Variants in INTS4 observed in about 807,000 individuals in gnomAD.
The protein encoded by INTS4 is integrator complex subunit 4.
Under a neutral mutation model 119.5 loss-of-function variants are expected in INTS4, and 70 were observed. The observed-to-expected ratio is 0.59, with a 90% CI of 0.48 to 0.71. The LOEUF (loss-of-function observed/expected upper bound fraction) is 0.71, where lower values mean the gene tolerates loss of function less well. Among genes scored for constraint, INTS4 ranks in the 30% least tolerant of loss-of-function variants. The pLI is 0.00. For missense variants in INTS4, 867 were observed against 1,173.2 expected (o/e 0.74, Z 3.81); for synonymous variants, 316 against 419.6 (o/e 0.75, Z 3.02).
intron 8 of INTS4, among the ~76,000 whole-genome samples, chr11:77,942,329 A>G (rs980778013): frequency 5.3e-5 from 8 of 152,192 alleles, no homozygotes; most frequent in African/African-American, 1.9e-4. Flanking sequence ...TGAAAATCAC[A>G]GTGCGAATGC....
chr11:77,884,624 A>G (rs11604873), intron 21 of INTS4, among the ~76,000 whole-genome samples: 3 of 152,204 alleles, frequency 2.0e-5, no homozygotes, highest in Non-Finnish European at 4.4e-5. Flanking sequence ...AGAGTAGGGA[A>G]CCACACAGGT....
At chr11:77,979,994 AG>A (rs1441190036) in intron 3 of INTS4, among the ~76,000 whole-genome samples, 3 of 111,630 alleles carry the variant, frequency 2.7e-5, no homozygotes, top group Non-Finnish European at 5.6e-5. Context: ...AAAAAAAAAA[AG>A]AAGAAACAGA....
chr11:77,928,419 T>C lies in INTS4; in HGVS notation c.1294A>G (p.Ile432Val). 2 of 1,611,228 alleles carry C rather than the reference T, an allele frequency of 1.2e-6. No homozygotes were observed. Among genetic ancestry groups the C allele is most frequent in the Non-Finnish European group, 1.7e-6 (2 of 1,177,862 alleles). ...DEIEEVRLQS[I>V]HTMRKISNNI... is the part of the protein sequence containing the mutation. ...TTAGAGATTTTTCTCATGGTATGTA[T>C]AGACTGCAGACGTACTTCCTCAATT... Residue 432 changes from isoleucine (I) to valine (V), a missense_variant, in exon 11 of 23, where the codon ATA becomes GTA. Around this residue, in one of 5 missense-constraint regions of INTS4, gnomAD observed 208 missense variants for 306.6 expected, o/e 0.68. Coordinates refer to ENST00000534064, the MANE Select transcript of INTS4 (RefSeq NM_033547.4).
chr11:77,916,643 G>A (rs1394024006), intron 15 of INTS4, among the ~76,000 whole-genome samples: 3 of 152,306 alleles, frequency 2.0e-5, no homozygotes, highest in African/African-American at 7.2e-5. Context: ...AGGTCTCCCA[G>A]CTCTTCTAAT....
intron 4 of INTS4, among the ~76,000 whole-genome samples, chr11:77,962,928 T>A (rs1746117995): frequency 6.6e-6 from 1 of 151,968 alleles, no homozygotes. Flanking sequence ...GGCCAGAGAA[T>A]TGCTTGAACC....
At chr11:77,899,442 C>T (rs1381960697) in intron 18 of INTS4, among the ~76,000 whole-genome samples, 1 of 151,962 alleles carries the variant, frequency 6.6e-6, no homozygotes, top group Non-Finnish European at 1.5e-5. Flanking sequence ...GAGGCCGAGT[C>T]GGGTGGATCA....
intron 10 of INTS4, among the ~76,000 whole-genome samples, chr11:77,931,576 TG>T (rs1953650038): frequency 6.6e-6 from 1 of 152,192 alleles, no homozygotes; most frequent in Non-Finnish European, 1.5e-5. Flanking sequence ...AAACATCTCA[TG>T]TACCCCTTAA....
chr11:77,931,516 G>A (rs1165165744), intron 10 of INTS4, among the ~76,000 whole-genome samples: 2 of 152,094 alleles, frequency 1.3e-5, no homozygotes, highest in African/African-American at 4.8e-5. Context: ...TTGAGGAGAT[G>A]GATACCTATT....
At chr11:77,993,956 A>G (rs1419546267) in intron 1 of INTS4, among the ~76,000 whole-genome samples, 1 of 150,178 alleles carries the variant, frequency 6.7e-6, no homozygotes, top group Non-Finnish European at 1.5e-5. Context: ...AGACACATGG[A>G]GCATCACTGA....
Position 77,961,157 on chromosome 11 carries a change from A to G in INTS4, c.472-19T>C, listed in dbSNP as rs745838407. ...TCAGATGCTATTAAAAAAAAAAAAA[A>G]AAAGAAAAAAAGAAAAAGAAAAAAA... On this transcript the variant is annotated intron_variant, in intron 4 of 22. Coordinates refer to ENST00000534064, the MANE Select transcript of INTS4 (RefSeq NM_033547.4). 1.4e-5 allele frequency: 21 copies of G among 1,535,990 alleles called. No individual in the cohort carries two copies. The highest frequency in any genetic ancestry group is 4.5e-5 in the Admixed American group (2 of 44,590).
chr11:77,952,747 C>A (rs1954226802), intron 8 of INTS4, among the ~76,000 whole-genome samples: 1 of 152,128 alleles, frequency 6.6e-6, no homozygotes, highest in South Asian at 2.1e-4. Flanking sequence ...GTTATACATA[C>A]AACTTTATGC....
intron 9 of INTS4, among the ~76,000 whole-genome samples, chr11:77,940,406 G>A (rs1317395207): frequency 6.6e-6 from 1 of 152,098 alleles, no homozygotes; most frequent in African/African-American, 2.4e-5. Flanking sequence ...ATTTCAGCCT[G>A]GGCAATAGAG....
rs36016105 is a variant in INTS4, at chr11:77,972,831, G to GTT, written c.471+6163_471+6164dup. Reference sequence around the variant, plus strand: ...TTTATTCATAAGTTTTCTTTTGTGGGTTTTTTTTTTTTTTTAATACAGATA... The same window carrying GTT: ...TTTATTCATAAGTTTTCTTTTGTGGGTTTTTTTTTTTTTTTTTAATACAGATA... On this transcript the variant is annotated intron_variant, in intron 4 of 22. Transcript: ENST00000534064. 1.5e-3 allele frequency among the ~76,000 whole-genome samples: 218 copies of GTT among 141,604 alleles called. 2 individuals carry two copies. Among genetic ancestry groups the GTT allele is most frequent in the African/African-American group, 5.2e-3 (201 of 38,650 alleles). The allele number at this position is 141,604 out of a possible 152,430, so 92.9% of individuals were successfully genotyped here.
At chr11:77,874,529 T>G (rs1030636057), downstream of INTS4, among the ~76,000 whole-genome samples, 7 of 152,182 alleles carry the variant, frequency 4.6e-5, no homozygotes, top group Non-Finnish European at 8.8e-5. Context: ...GTGACATTAT[T>G]AAACTTTTAA....
At chr11:77,893,738 C>T (rs1952379870) in intron 19 of INTS4, among the ~76,000 whole-genome samples, 1 of 151,842 alleles carries the variant, frequency 6.6e-6, no homozygotes, top group African/African-American at 2.4e-5. Context: ...ACTAAAAATA[C>T]AAAAATTAGC....
intron 4 of INTS4, among the ~76,000 whole-genome samples, chr11:77,973,653 T>C (rs569299404): frequency 5.9e-5 from 9 of 152,322 alleles, no homozygotes; most frequent in African/African-American, 2.2e-4. Context: ...TTTTATGTGT[T>C]CTTATAATAC....
chr11:77,896,260 G>A (rs1299071558), intron 18 of INTS4, among the ~76,000 whole-genome samples: 2 of 152,038 alleles, frequency 1.3e-5, no homozygotes, highest in Non-Finnish European at 2.9e-5. Flanking sequence ...AAGCACACTT[G>A]GAAATAAAAC....
At chr11:77,988,657 A>C (rs1856549463) in intron 2 of INTS4, among the ~76,000 whole-genome samples, 1 of 152,218 alleles carries the variant, frequency 6.6e-6, no homozygotes, top group Admixed American at 6.5e-5. Context: ...GCATGCTGAT[A>C]GCTGCAATAT....
intron 18 of INTS4, among the ~76,000 whole-genome samples, chr11:77,899,890 A>G (rs1457364938): frequency 1.3e-5 from 2 of 152,194 alleles, no homozygotes; most frequent in African/African-American, 4.8e-5. Context: ...AAGTATACAC[A>G]TGAAATGCTG....
Sources: gnomAD v4.1 joint callset for allele counts (sites outside exome capture counted in the v4.1 genomes callset) on GRCh38, gnomAD v4.1.1 for gene constraint, gnomAD v4.1.1 regional missense constraint, MANE v1.5 for transcripts, NCBI Gene and HGNC (gene_info 2026-07-23, HGNC 2026-07-21) for gene names.